Variants in CLVS1 observed in about 807,000 individuals in gnomAD.
CLVS1 encodes clavesin 1.
Under a neutral mutation model 33.1 loss-of-function variants are expected in CLVS1, and 10 were observed. The observed-to-expected ratio is 0.30, with a 90% confidence interval of 0.19 to 0.51. The LOEUF is 0.51. CLVS1 is among the 20% of genes least tolerant of loss of function. The pLI, the probability that CLVS1 is intolerant of heterozygous loss-of-function variation, is 0.97. For synonymous variants in CLVS1, 163 were observed against 166.1 expected (o/e 0.98, Z 0.14); for missense variants, 343 against 433.4 (o/e 0.79, Z 1.85).
the CLVS1 span, among the ~76,000 whole-genome samples, chr8:61,016,411 G>T: frequency 6.6e-6 from 1 of 152,240 alleles, no homozygotes; most frequent in Admixed American, 6.5e-5. Context: ...TATCTTGGGT[G>T]GGGGAGCAGC....
At chr8:61,347,904 G>C (rs1381361448) in intron 2 of CLVS1, among the ~76,000 whole-genome samples, 1 of 151,234 alleles carries the variant, frequency 6.6e-6, no homozygotes, top group Admixed American at 6.6e-5. Context: ...AATGTACAAG[G>C]GTTCCCTTTT....
chr8:61,326,339 G>A (rs960255334), intron 2 of CLVS1, among the ~76,000 whole-genome samples: 1 of 152,170 alleles, frequency 6.6e-6, no homozygotes, highest in Non-Finnish European at 1.5e-5. Flanking sequence ...TCATTCGATT[G>A]CATTTAGGTG....
chr8:61,059,140 G>A (rs1047636576), intron 1 of CLVS1, among the ~76,000 whole-genome samples: 4 of 151,946 alleles, frequency 2.6e-5, no homozygotes, highest in African/African-American at 4.8e-5. Flanking sequence ...ATTTGATTGT[G>A]CCATTTTTTT....
intron 1 of CLVS1, among the ~76,000 whole-genome samples, chr8:61,073,796 A>C (rs1049170037): frequency 6.8e-6 from 1 of 146,832 alleles, no homozygotes; most frequent in African/African-American, 2.5e-5. Flanking sequence ...GCGGATCACG[A>C]GGTCAGGAGA....
At chr8:61,058,382 AC>A (rs1299285541) in intron 1 of CLVS1, among the ~76,000 whole-genome samples, 1 of 152,116 alleles carries the variant, frequency 6.6e-6, no homozygotes, top group Non-Finnish European at 1.5e-5. Flanking sequence ...CTTGACAGGA[AC>A]CTTTCTTTTA....
chr8:61,081,246 A>AAG (rs1805015263), intron 1 of CLVS1, among the ~76,000 whole-genome samples: 1 of 152,152 alleles, frequency 6.6e-6, no homozygotes. Flanking sequence ...CCCTCTGAAG[A>AAG]AGAGAGAGCA....
At chr8:61,191,737 C>A (rs1204977004) in intron 2 of CLVS1, among the ~76,000 whole-genome samples, 1 of 152,106 alleles carries the variant, frequency 6.6e-6, no homozygotes, top group Non-Finnish European at 1.5e-5. Context: ...CAATAACAGA[C>A]AAACAGAGAG....
At chr8:61,432,470 A>C (rs901096310) in intron 3 of CLVS1, among the ~76,000 whole-genome samples, 1 of 151,806 alleles carries the variant, frequency 6.6e-6, no homozygotes, top group Admixed American at 6.6e-5. Context: ...TAACAAGAGG[A>C]GATTAGGACA....
At chr8:61,405,855 A>G (rs1814965823) in intron 3 of CLVS1, among the ~76,000 whole-genome samples, 1 of 151,748 alleles carries the variant, frequency 6.6e-6, no homozygotes, top group Non-Finnish European at 1.5e-5. Context: ...TTATGAAGAT[A>G]GTTTTGACCC....
At chr8:61,287,901 G>T, upstream of CLVS1, 1 of 350,858 alleles carries the variant, frequency 2.9e-6, no homozygotes, top group Non-Finnish European at 5.6e-6. Context: ...GAGGGTTGTG[G>T]TACGGAGGCA....
At chr8:61,444,262 G>A (rs1019072287) in intron 3 of CLVS1, among the ~76,000 whole-genome samples, 8 of 152,144 alleles carry the variant, frequency 5.3e-5, no homozygotes, top group Non-Finnish European at 1.0e-4. Flanking sequence ...CTTCCAGCAT[G>A]TGTTGAATAA....
chr8:61,408,538 G>C (rs1035283887), intron 3 of CLVS1, among the ~76,000 whole-genome samples: 5 of 152,184 alleles, frequency 3.3e-5, no homozygotes, highest in African/African-American at 1.2e-4. Context: ...ACTGGGTTTT[G>C]TGTGCCTCTA....
chr8:61,396,233 C>T (rs1337008950), intron 3 of CLVS1, among the ~76,000 whole-genome samples: 1 of 152,158 alleles, frequency 6.6e-6, no homozygotes, highest in African/African-American at 2.4e-5. Flanking sequence ...TTAATTCATT[C>T]ACAAGTTTTC....
chr8:61,190,407 C>A (rs1194746993), intron 2 of CLVS1, among the ~76,000 whole-genome samples: 2 of 152,006 alleles, frequency 1.3e-5, no homozygotes, highest in African/African-American at 4.8e-5. Flanking sequence ...ACTAAATGCC[C>A]ACAAGAGAAA....
chr8:61,245,267 C>T (rs1157132161), intron 2 of CLVS1, among the ~76,000 whole-genome samples: 1 of 152,078 alleles, frequency 6.6e-6, no homozygotes, highest in African/African-American at 2.4e-5. Context: ...ACTGCAACCT[C>T]TGCCTCCTGA....
chr8:61,361,988 C>T (rs907980075), intron 2 of CLVS1, among the ~76,000 whole-genome samples: 7 of 152,142 alleles, frequency 4.6e-5, no homozygotes, highest in East Asian at 1.9e-4. Context: ...CTAGGAGAAA[C>T]GTAGTCAGGT....
chr8:61,031,176 G>C, the CLVS1 span, among the ~76,000 whole-genome samples: 1 of 152,208 alleles, frequency 6.6e-6, no homozygotes, highest in South Asian at 2.1e-4. Flanking sequence ...CTGGTGCCTG[G>C]GCAGCCTATC....
At chr8:61,006,432 C>T in the CLVS1 span, among the ~76,000 whole-genome samples, 2 of 152,070 alleles carry the variant, frequency 1.3e-5, no homozygotes, top group Admixed American at 6.5e-5. Flanking sequence ...TCAGATGGCC[C>T]GAGGAGGAGG....
intron 2 of CLVS1, among the ~76,000 whole-genome samples, chr8:61,156,214 CAAAAAA>C (rs56094016): frequency 1.6e-4 from 9 of 56,328 alleles, no homozygotes; most frequent in African/African-American, 6.5e-4. Context: ...GATTCCATCT[CAAAAAA>C]AAAAAAAAAA....
Sources: gnomAD v4.1 joint callset for allele counts (sites outside exome capture counted in the v4.1 genomes callset) on GRCh38, gnomAD v4.1.1 for gene constraint, MANE v1.5 for transcripts, NCBI Gene and HGNC (gene_info 2026-07-23, HGNC 2026-07-21) for gene names.